The following KCND3 variants were observed in gnomAD, a reference collection of about 807,000 sequenced individuals.
KCND3 encodes A-type voltage-gated potassium channel KCND3.
A neutral mutation model predicts 51.1 loss-of-function variants in KCND3; 9 were observed. The observed-to-expected ratio is 0.18, with a 90% CI of 0.11 to 0.31. KCND3 has a LOEUF of 0.31. Among genes scored for constraint, KCND3 ranks in the 10% least tolerant of loss-of-function variants. The pLI is 1.00. For synonymous variants in KCND3, 349 were observed against 368.0 expected (o/e 0.95, Z 0.59); for missense variants, 526 against 903.8 (o/e 0.58, Z 5.36).
intron 2 of KCND3, among the ~76,000 whole-genome samples, chr1:111,935,754 G>A (rs1672189315): frequency 6.6e-6 from 1 of 152,172 alleles, no homozygotes; most frequent in Admixed American, 6.5e-5. Flanking sequence ...CCCTGTTCAT[G>A]TTTGTGGAAG....
intron 2 of KCND3, among the ~76,000 whole-genome samples, chr1:111,937,532 C>T (rs764763203): frequency 5.9e-5 from 9 of 152,192 alleles, no homozygotes; most frequent in African/African-American, 1.7e-4. Flanking sequence ...CAGATGCCCC[C>T]GACAGGCCAG....
rs1033823414 is a variant in KCND3 at position 111,773,921 on chromosome 1, C to T, written c.*2156G>A. 19 of 152,022 alleles carry T rather than the reference C, an allele frequency of 1.2e-4. No homozygotes were observed. The highest frequency in any genetic ancestry group is 3.9e-4 in the Admixed American group (6 of 15,280). 9.4% of individuals were successfully genotyped at this position (152,022 alleles called of 1,614,324 possible). On this transcript the variant is annotated 3_prime_UTR_variant, in exon 8 of 8. Transcript: ENST00000302127. ...AAGTGAATTGATTTAAGTATGTATT[C>T]TCTGATGTGTTTAGGTTGGTTGTGT... is the stretch of plus-strand genomic sequence containing the variant.
chr1:111,815,492 T>C (rs913587593), intron 2 of KCND3, among the ~76,000 whole-genome samples: 1 of 150,696 alleles, frequency 6.6e-6, no homozygotes, highest in Non-Finnish European at 1.5e-5. Context: ...AGCCTTGGTA[T>C]CTGCTGGCTT....
intron 2 of KCND3, among the ~76,000 whole-genome samples, chr1:111,978,504 A>G (rs954933346): frequency 1.3e-5 from 2 of 152,234 alleles, no homozygotes; most frequent in Admixed American, 1.3e-4. Context: ...GAATGGTTGA[A>G]CAAGGCTACA....
At chr1:111,958,251 C>T (rs1673437400) in intron 2 of KCND3, among the ~76,000 whole-genome samples, 2 of 152,210 alleles carry the variant, frequency 1.3e-5, no homozygotes, top group Non-Finnish European at 2.9e-5. Flanking sequence ...GAGCATCCAA[C>T]CTGACCAGGC....
At chr1:111,827,984 A>G (rs1904200) in intron 2 of KCND3, among the ~76,000 whole-genome samples, 104,452 of 152,058 alleles carry the variant, frequency 0.69, 35,989 homozygotes, top group Non-Finnish European at 0.7. Context: ...CCATTAGTGG[A>G]TTTGCTTCCC....
chr1:111,803,648 A>G (rs1455880470), intron 2 of KCND3, among the ~76,000 whole-genome samples: 2 of 152,230 alleles, frequency 1.3e-5, no homozygotes, highest in African/African-American at 2.4e-5. Flanking sequence ...TTTATGGGTG[A>G]AAGGACACGT....
intron 2 of KCND3, among the ~76,000 whole-genome samples, chr1:111,797,422 T>TC (rs538594559): frequency 2.0e-5 from 3 of 151,856 alleles, no homozygotes; most frequent in East Asian, 1.9e-4. Context: ...GCCAGTACTT[T>TC]CCCCCCCATC....
At chr1:111,830,142 C>T (rs544804155) in intron 2 of KCND3, among the ~76,000 whole-genome samples, 1 of 151,982 alleles carries the variant, frequency 6.6e-6, no homozygotes, top group East Asian at 1.9e-4. Context: ...AGAACAGAAA[C>T]CTCTGTTCAC....
At chr1:111,790,894 A>G (rs1254388573) in intron 2 of KCND3, among the ~76,000 whole-genome samples, 6 of 152,236 alleles carry the variant, frequency 3.9e-5, no homozygotes, top group Non-Finnish European at 8.8e-5. Context: ...TGTAGAATGT[A>G]TCAGTACTCC....
chr1:111,911,491 T>C (rs1320275529), intron 2 of KCND3, among the ~76,000 whole-genome samples: 2 of 152,226 alleles, frequency 1.3e-5, no homozygotes, highest in East Asian at 1.9e-4. Flanking sequence ...TACCTTCAAA[T>C]TGGTCATTCA....
chr1:111,963,669 C>T (rs1557751170), intron 2 of KCND3, among the ~76,000 whole-genome samples: 1 of 152,200 alleles, frequency 6.6e-6, no homozygotes, highest in Non-Finnish European at 1.5e-5. Context: ...TCTCTAGTTC[C>T]AGTGAGGGCT....
At chr1:111,928,559 G>A (rs908764324) in intron 2 of KCND3, among the ~76,000 whole-genome samples, 2 of 152,196 alleles carry the variant, frequency 1.3e-5, no homozygotes, top group Non-Finnish European at 2.9e-5. Flanking sequence ...ATTCACCCCC[G>A]ACTGCATTTG....
rs554353575 is a variant in KCND3, at chr1:111,773,022, T to C, written c.*3055A>G. Reference sequence around the variant, plus strand: ...AGTGTCATCTGGCTGTGTTCTGTAGTGTAGATGAGCCATTTTCCAAACGTT... The same window carrying C: ...AGTGTCATCTGGCTGTGTTCTGTAGCGTAGATGAGCCATTTTCCAAACGTT... On this transcript the variant is annotated 3_prime_UTR_variant, in exon 8 of 8. Coordinates refer to ENST00000302127, the MANE Select transcript of KCND3 (RefSeq NM_001378969.1). 6.6e-6 allele frequency: 1 copy of C among 152,320 alleles called. No individual in the cohort carries two copies. Among genetic ancestry groups the C allele is most frequent in the South Asian group, 2.1e-4 (1 of 4,828 alleles). 9.4% of individuals were successfully genotyped at this position (152,320 alleles called of 1,614,324 possible).
intron 2 of KCND3, among the ~76,000 whole-genome samples, chr1:111,888,957 C>T (rs1308998572): frequency 1.3e-5 from 2 of 152,140 alleles, no homozygotes; most frequent in Non-Finnish European, 1.5e-5. Context: ...TCACCGGGAG[C>T]AGCTTTGCTA....
chr1:111,928,013 T>C (rs1461182880), intron 2 of KCND3, among the ~76,000 whole-genome samples: 1 of 152,074 alleles, frequency 6.6e-6, no homozygotes, highest in Non-Finnish European at 1.5e-5. Context: ...TGCCTGGACC[T>C]ACCAGGCCCC....
intron 2 of KCND3, among the ~76,000 whole-genome samples, chr1:111,868,938 T>G (rs561652566): frequency 2.0e-4 from 30 of 152,304 alleles, no homozygotes; most frequent in African/African-American, 6.5e-4. Flanking sequence ...AGATGGGGTC[T>G]CACTATGTTG....
At chr1:111,854,722 C>T (rs946094057) in intron 2 of KCND3, among the ~76,000 whole-genome samples, 1 of 152,192 alleles carries the variant, frequency 6.6e-6, no homozygotes, top group African/African-American at 2.4e-5. Context: ...CAAATTGCTT[C>T]ATCCATCAGT....
intron 2 of KCND3, among the ~76,000 whole-genome samples, chr1:111,847,727 C>T (rs1308577726): frequency 6.6e-6 from 1 of 152,142 alleles, no homozygotes; most frequent in Non-Finnish European, 1.5e-5. Flanking sequence ...AATGGCTGTC[C>T]TGGGCTTAAT....
Sources: allele counts gnomAD v4.1 joint callset (sites outside exome capture counted in the v4.1 genomes callset), GRCh38; gene constraint gnomAD v4.1.1; transcripts MANE v1.5; gene names NCBI Gene and HGNC (gene_info 2026-07-23, HGNC 2026-07-21).